Variants in UNC79 observed in about 807,000 individuals in gnomAD.
The protein encoded by UNC79 is unc-79 subunit of NALCN channel complex.
UNC79 carries 37 observed loss-of-function variants against 283.1 expected under a neutral mutation model. That is an observed-to-expected ratio of 0.13 (90% CI 0.10 to 0.17). The LOEUF is 0.17. UNC79 is among the 10% of genes least tolerant of loss of function. The pLI is 1.00. For missense variants in UNC79, 2,272 were observed against 3,211.1 expected (o/e 0.71, Z 7.07); for synonymous variants, 1,107 against 1,200.2 (o/e 0.92, Z 1.61).
chr14:93,683,279 G>A (rs1321218691), intron 42 of UNC79, among the ~76,000 whole-genome samples: 4 of 152,062 alleles, frequency 2.6e-5, no homozygotes, highest in Non-Finnish European at 5.9e-5. Flanking sequence ...GGATTTCCAC[G>A]TGCATACTCG....
intron 47 of UNC79, among the ~76,000 whole-genome samples, chr14:93,697,370 A>G (rs901155664): frequency 2.0e-5 from 3 of 152,158 alleles, no homozygotes; most frequent in Non-Finnish European, 2.9e-5. Context: ...TCCTGACCTC[A>G]GGTGATCTGC....
intron 23 of UNC79, among the ~76,000 whole-genome samples, chr14:93,596,177 C>T (rs2065067384): frequency 1.3e-5 from 2 of 152,106 alleles, no homozygotes; most frequent in Admixed American, 1.3e-4. Flanking sequence ...GTTCATAGCT[C>T]ATATTCTGAG....
At chr14:93,399,416 A>G (rs1343433604) in intron 1 of UNC79, among the ~76,000 whole-genome samples, 1 of 152,202 alleles carries the variant, frequency 6.6e-6, no homozygotes, top group African/African-American at 2.4e-5. Context: ...CAGGGAATCA[A>G]AAAGACATAA....
chr14:93,447,605 T>C (rs1184658566), intron 1 of UNC79, among the ~76,000 whole-genome samples: 1 of 152,092 alleles, frequency 6.6e-6, no homozygotes, highest in African/African-American at 2.4e-5. Flanking sequence ...GACTCAAGTT[T>C]CTATCTGAAA....
chr14:93,493,901 A>ATATATTTTTTT (rs1251701550), intron 5 of UNC79, among the ~76,000 whole-genome samples: 4 of 49,250 alleles, frequency 8.1e-5, no homozygotes, highest in East Asian at 7.5e-4. Flanking sequence ...ATATATATAT[A>ATATATTTTTTT]TTTTTTTTTT....
chr14:93,484,998 C>T (rs2058338814), intron 4 of UNC79, among the ~76,000 whole-genome samples: 1 of 152,124 alleles, frequency 6.6e-6, no homozygotes, highest in African/African-American at 2.4e-5. Context: ...TAGGCTTCGC[C>T]TAAATCATCT....
At chr14:93,415,503 C>T (rs1300689076) in intron 1 of UNC79, among the ~76,000 whole-genome samples, 17 of 151,418 alleles carry the variant, frequency 1.1e-4, no homozygotes, top group South Asian at 4.2e-4. Flanking sequence ...TGTCTCTGCC[C>T]GGCTTTGGTA....
Position 93,474,061 on chromosome 14 carries a change from C to T in UNC79, c.144-28C>T, listed in dbSNP as rs767001779. On this transcript the variant is annotated intron_variant, in intron 2 of 48. Coordinates refer to ENST00000555664, the Ensembl canonical transcript of UNC79. The surrounding 1 kb of genome is among the most constrained non-coding windows in gnomAD (Gnocchi z 4.1). ...GTGCTGTTCTTTGTGTCTTTGTTGT[C>T]TCTTTTTTTTCTTTGTCCCCCCAAC... 2 of 1,504,132 alleles carry T rather than the reference C, an allele frequency of 1.3e-6. No homozygotes were observed. Among genetic ancestry groups the T allele is most frequent in the East Asian group, 4.9e-5 (2 of 40,484 alleles). 93.2% of individuals were successfully genotyped at this position (1,504,132 alleles called of 1,614,324 possible).
exon 15 of UNC79, chr14:93,572,068 T>A (rs140932784): frequency 1.1e-5 from 18 of 1,613,788 alleles, no homozygotes; most frequent in African/African-American, 8.0e-5. Flanking sequence ...GTTAAAAGAA[T>A]TCAGGGAAGT....
At chr14:93,693,992 A>T (rs1356830537) in intron 46 of UNC79, among the ~76,000 whole-genome samples, 1 of 152,080 alleles carries the variant, frequency 6.6e-6, no homozygotes, top group East Asian at 1.9e-4. Flanking sequence ...GAACTCTTAC[A>T]CCCAAAGAGT....
At chr14:93,496,803 A>G (rs2059034509) in intron 6 of UNC79, among the ~76,000 whole-genome samples, 1 of 152,192 alleles carries the variant, frequency 6.6e-6, no homozygotes, top group South Asian at 2.1e-4. Flanking sequence ...TGAATGTTTA[A>G]GAAATGTGAT....
At chr14:93,462,926 C>T (rs1158991680) in intron 1 of UNC79, among the ~76,000 whole-genome samples, 10 of 152,112 alleles carry the variant, frequency 6.6e-5, no homozygotes, top group South Asian at 2.1e-4. Flanking sequence ...TTCACAACAG[C>T]TACCCACCTG....
chr14:93,588,398 A>C (rs114787212), intron 22 of UNC79, among the ~76,000 whole-genome samples: 2,215 of 152,298 alleles, frequency 0.015, 54 homozygotes, highest in African/African-American at 0.051. Context: ...AGGAAACATC[A>C]GATACTTAGA....
At chr14:93,393,904 CT>C (rs34456896) in intron 1 of UNC79, among the ~76,000 whole-genome samples, 1,614 of 152,188 alleles carry the variant, frequency 0.011, 25 homozygotes, top group Non-Finnish European at 0.017. Flanking sequence ...CTATTGTCCC[CT>C]AACCTCAAAT....
At chr14:93,354,444 G>A (rs2139921356) in intron 1 of UNC79, among the ~76,000 whole-genome samples, 1 of 152,322 alleles carries the variant, frequency 6.6e-6, no homozygotes, top group African/African-American at 2.4e-5. Context: ...TAAGTATAAT[G>A]CACATATTTC....
intron 11 of UNC79, among the ~76,000 whole-genome samples, chr14:93,533,198 T>C (rs2060910260): frequency 6.6e-6 from 1 of 152,224 alleles, no homozygotes; most frequent in Non-Finnish European, 1.5e-5. Context: ...TTGAGATTCT[T>C]GGACTCTGGC....
exon 13 of UNC79, chr14:93,540,719 G>A (rs752622200): frequency 3.8e-5 from 61 of 1,613,652 alleles, no homozygotes; most frequent in South Asian, 7.7e-5. Flanking sequence ...AACCGGCGGC[G>A]GCAGCTGGGC....
At chr14:93,479,738 G>A (rs1429064257) in intron 4 of UNC79, among the ~76,000 whole-genome samples, 3 of 152,074 alleles carry the variant, frequency 2.0e-5, no homozygotes, top group Non-Finnish European at 4.4e-5. Context: ...CGGCTTAAGC[G>A]ATCCTTTTGC....
At chr14:93,503,307 G>A (rs558875878) in intron 7 of UNC79, among the ~76,000 whole-genome samples, 2 of 152,152 alleles carry the variant, frequency 1.3e-5, no homozygotes, top group Non-Finnish European at 2.9e-5. Context: ...TCTATTATTA[G>A]TGGACTTTTG....
Sources: allele counts gnomAD v4.1 joint callset (sites outside exome capture counted in the v4.1 genomes callset), GRCh38; gene constraint gnomAD v4.1.1; non-coding constraint Gnocchi (gnomAD v3.1); transcripts MANE v1.5; gene names NCBI Gene and HGNC (gene_info 2026-07-23, HGNC 2026-07-21).